CCDC106: variants seen among roughly 807,000 people sequenced by gnomAD.
CCDC106 encodes the protein coiled-coil domain containing 106.
In CCDC106, 17 loss-of-function variants were observed where a neutral mutation model predicts 24.7. That is an observed-to-expected ratio of 0.69 (90% CI 0.47 to 1.03). The LOEUF is 1.03. Ranked by LOEUF, CCDC106 falls within the 50% of genes least tolerant of loss-of-function variation. CCDC106 has a pLI of 0.00. For synonymous variants in CCDC106, 211 were observed against 161.3 expected (o/e 1.31, Z -2.34); for missense variants, 337 against 388.9 (o/e 0.87, Z 1.12).
rs1017501387 is a variant in CCDC106 at position 55,653,107 on chromosome 19, CAG to C, written c.*365_*366del. The C allele has an allele frequency of 1.4e-5, 3 of 212,144 alleles. No individual in the cohort carries two copies. The highest frequency in any genetic ancestry group is 4.6e-5 in the African/African-American group (2 of 43,118). The allele number at this position is 212,144 out of a possible 1,614,324, so 13.1% of individuals were successfully genotyped here. A position where few individuals can be genotyped will look rare whatever the true frequency, so the allele number is the denominator to read the frequency against. On this transcript the variant is annotated 3_prime_UTR_variant, in exon 5 of 5. Transcript: ENST00000586790. ...CAGACCTCCCCAACTCCGCGTGAGA[CAG>C]AGAATTATTCAGATAATTTAAATTA... is the stretch of plus-strand genomic sequence containing the variant.
At position 55,649,639 on chromosome 19, in the gene CCDC106, G is replaced by A. The variant is rs936296620; in HGVS notation, c.313+55G>A. ...CTCCCTGTCCCGCTACTGGGTACCC[G>A]CTCACCCAGACTCAAGGCTCCACTG... On this transcript the variant is annotated intron_variant, in intron 3 of 4. Coordinates refer to ENST00000586790, the MANE Select transcript of CCDC106 (RefSeq NM_001370470.1). 6.5e-5 allele frequency: 99 copies of A among 1,524,386 alleles called. 1 individual carries two copies. Among genetic ancestry groups the A allele is most frequent in the East Asian group, 3.2e-4 (14 of 43,636 alleles). 94.4% of individuals were successfully genotyped at this position (1,524,386 alleles called of 1,614,324 possible).
chr19:55,650,822 C>T (rs773483863), intron 3 of CCDC106, among the ~76,000 whole-genome samples: 8 of 152,188 alleles, frequency 5.3e-5, no homozygotes, highest in African/African-American at 1.2e-4. Flanking sequence ...CTCCGCCTGC[C>T]GGCTCCCTCT....
Position 55,652,686 on chromosome 19 carries a change from G to A in CCDC106, c.783G>A (p.Lys261=), listed in dbSNP as rs749842777. The change falls in exon 5 of 5, where the codon AAG becomes AAA. Residue 261 remains lysine, a synonymous_variant. Transcript: ENST00000586790. This position sits in a 1 kb window ranked among gnomAD's most constrained non-coding sequence, Gnocchi z 5.9. ...CCCTGGACGACGAGACGCTCAAGAA[G>A]GTGCAGGCGCTCAAGAAGAGCAAGC... ...FLALDDETLK[K]VQALKKSKLL... 12 of 1,612,906 alleles carry A rather than the reference G, an allele frequency of 7.4e-6. No individual in the cohort carries two copies. The highest frequency in any genetic ancestry group is 1.0e-5 in the Non-Finnish European group (12 of 1,179,908).
rs1983334753 is a variant in CCDC106, at chr19:55,652,123, G to T, written c.527-307G>T. Among the ~76,000 whole-genome samples the T allele has an allele frequency of 6.6e-6, 1 of 152,076 alleles. No individual in the cohort carries two copies. The highest frequency in any genetic ancestry group is 2.4e-5 in the African/African-American group (1 of 41,390). ...ATTCACCTGAGGCAGGGAGACGAGG[G>T]TGATGGCTCGGGGTGTCGGGGGGTG... On this transcript the variant is annotated intron_variant, in intron 4 of 4. Transcript: ENST00000586790. The surrounding 1 kb of genome is among the most constrained non-coding windows in gnomAD (Gnocchi z 5.9).
In CCDC106 at chr19:55,649,186, C is replaced by T. The variant is rs1983068178; in HGVS notation, c.32-19C>T. ...GCCCGGGGAATTCTCTGGGGTAACC[C>T]GGGGCCTCTCCTCTCCAGTGAAGGA... On this transcript the variant is annotated intron_variant, in intron 1 of 4. Transcript: ENST00000586790. 11 of 1,611,484 alleles carry T rather than the reference C, an allele frequency of 6.8e-6. No individual in the cohort carries two copies. The highest frequency in any genetic ancestry group is 3.3e-5 in the Admixed American group (2 of 59,990).
At chr19:55,651,229 C>A (rs1391819476) in intron 3 of CCDC106, 54 bp from the exon 4 acceptor site, 29 of 1,365,266 alleles carry the variant, frequency 2.1e-5, no homozygotes, top group African/African-American at 2.8e-5. Flanking sequence ...AGTCCCGGGA[C>A]CTGTGATGGG....
upstream of CCDC106, among the ~76,000 whole-genome samples, chr19:55,647,484 A>T (rs1982944593): frequency 6.6e-6 from 1 of 152,196 alleles, no homozygotes; most frequent in Non-Finnish European, 1.5e-5. Flanking sequence ...TTCAGCCCTG[A>T]CGATGGCCAG....
Position 55,648,948 on chromosome 19 carries a change from T to G in CCDC106, c.-99T>G. On this transcript the variant is annotated 5_prime_UTR_variant, in exon 1 of 5. An upstream start codon of the reference 5' UTR is lost. Coordinates refer to ENST00000586790, the MANE Select transcript of CCDC106 (RefSeq NM_001370470.1). ...CTGTCTCACTTCACCTCCCCCAGGA[T>G]GGACCCTCCAGTCCATCTGCGTCTC... The G allele has an allele frequency of 8.3e-7, 1 of 1,199,506 alleles. No individual in the cohort carries two copies. The highest frequency in any genetic ancestry group is 1.2e-6 in the Non-Finnish European group (1 of 807,454). The allele number at this position is 1,199,506 out of a possible 1,614,324, so 74.3% of individuals were successfully genotyped here. A position where few individuals can be genotyped will look rare whatever the true frequency, so the allele number is the denominator to read the frequency against.
Position 55,652,732 on chromosome 19 carries a change from C to A in CCDC106, c.829C>A (p.Arg277Ser). The A allele has an allele frequency of 6.2e-7, 1 of 1,611,584 alleles. No homozygotes were observed. The highest frequency in any genetic ancestry group is 1.1e-5 in the South Asian group (1 of 91,040). The change falls in exon 5 of 5, where the codon CGC becomes AGC. Residue 277 changes from arginine to serine, a missense_variant. Coordinates refer to ENST00000586790, the MANE Select transcript of CCDC106 (RefSeq NM_001370470.1). This position sits in a 1 kb window ranked among gnomAD's most constrained non-coding sequence, Gnocchi z 5.9. ...CAAGCTGCTGCTGCCCATCACCTAC[C>A]GCTTCAAGCGGTGATCGCACCACGC... is the stretch of plus-strand genomic sequence containing the variant. ...KSKLLLPITY[R>S]FKR is the part of the protein sequence containing the mutation.
At chr19:55,651,755 G>C (rs887381559) in intron 4 of CCDC106, among the ~76,000 whole-genome samples, 5 of 151,882 alleles carry the variant, frequency 3.3e-5, no homozygotes, top group African/African-American at 1.2e-4. Context: ...TCCGCCTCCC[G>C]GGTCCACGCC....
In CCDC106 at chr19:55,649,438, C is replaced by T. The variant is rs140299128; in HGVS notation, c.167C>T (p.Ala56Val). Residue 56 changes from alanine (A) to valine (V), a missense_variant, in exon 3 of 5, where the codon GCT (alanine) becomes GTT (valine). Physicochemically the swap from Ala to Val is moderately conservative, Grantham distance 64. Around this residue, in one of 2 missense-constraint regions of CCDC106, gnomAD observed 234 missense variants for 236.5 expected, o/e 0.99. Transcript: ENST00000586790. ...EPPEAASSAL[A>V]LMNSVKTQLH... is the part of the protein sequence containing the mutation. ...CCGGAGGCTGCGTCCTCCGCCCTGG[C>T]TCTGATGAACAGCGTCAAGACCCAG... The T allele has an allele frequency of 3.3e-4, 539 of 1,614,022 alleles. No homozygotes were observed. The highest frequency in any genetic ancestry group is 4.1e-4 in the Non-Finnish European group (484 of 1,180,014).
At position 55,652,745 on chromosome 19, in the gene CCDC106, G is replaced by A. The variant is rs1568543600; in HGVS notation, c.842G>A (p.Ter281=). ...LLPITYRFKR[*] ...CCCATCACCTACCGCTTCAAGCGGT[G>A]ATCGCACCACGCCTCCGCGCCTCCA... The change falls in exon 5 of 5, where the codon TGA becomes TAA. Residue 281 remains the stop codon, a stop_retained_variant. Coordinates refer to ENST00000586790, the MANE Select transcript of CCDC106 (RefSeq NM_001370470.1). The surrounding 1 kb of genome is among the most constrained non-coding windows in gnomAD (Gnocchi z 5.9). 2.5e-6 allele frequency: 4 copies of A among 1,607,516 alleles called. No homozygotes were observed. In the African/African-American group the frequency reaches 4.0e-5, roughly 16 times the overall value.
intron 3 of CCDC106, 102 bp downstream of exon 3, chr19:55,649,686 T>C (rs1600056414): frequency 3.5e-6 from 4 of 1,148,084 alleles, no homozygotes; most frequent in Non-Finnish European, 5.0e-6. Flanking sequence ...GGGTGGGACC[T>C]GCCATGTTGG....
chr19:55,649,199 CT>C lies in CCDC106; in HGVS notation c.32-5del. On this transcript the variant is annotated splice_polypyrimidine_tract_variant and splice_region_variant and intron_variant, in intron 1 of 4. Transcript: ENST00000586790. ...TCTGGGGTAACCCGGGGCCTCTCCT[CT>C]CCAGTGAAGGACGATGAGACCTTCG... The C allele has an allele frequency of 6.2e-7, 1 of 1,613,378 alleles. No individual in the cohort carries two copies. Among genetic ancestry groups the C allele is most frequent in the Admixed American group, 1.7e-5 (1 of 60,024 alleles).
rs1983007705 is a variant in CCDC106, at chr19:55,648,474, A to T, written c.-573A>T. The T allele has an allele frequency of 6.4e-6, 1 of 155,108 alleles. No homozygotes were observed. Among genetic ancestry groups the T allele is most frequent in the Non-Finnish European group, 1.4e-5 (1 of 70,108 alleles). 9.6% of individuals were successfully genotyped at this position (155,108 alleles called of 1,614,324 possible). On this transcript the variant is annotated 5_prime_UTR_variant, in exon 1 of 5. Transcript: ENST00000586790. ...CGCGTGACCTTTCCCCGTACTGCGC[A>T]CGCGCCCAGCCCCCACCACCGGGGG...
In CCDC106 at chr19:55,652,285, C is replaced by A; in HGVS notation, c.527-145C>A. 1.5e-6 allele frequency: 1 copy of A among 657,042 alleles called. No individual in the cohort carries two copies. The highest frequency in any genetic ancestry group is 2.6e-6 in the Non-Finnish European group (1 of 380,788). The allele number at this position is 657,042 out of a possible 1,614,324, so 40.7% of individuals were successfully genotyped here. ...TCCCCTCCTCTCTGCCCCTTCCTTGCCTGTTGTTCTCCGTCTCCACCTGCA... is the reference window on the plus strand; with the variant it reads ...TCCCCTCCTCTCTGCCCCTTCCTTGACTGTTGTTCTCCGTCTCCACCTGCA... On this transcript the variant is annotated intron_variant, in intron 4 of 4. Transcript: ENST00000586790. The surrounding 1 kb of genome is among the most constrained non-coding windows in gnomAD (Gnocchi z 5.9).
At position 55,651,434 on chromosome 19, in the gene CCDC106, G is replaced by A; in HGVS notation, c.465G>A (p.Lys155=). Residue 155 remains lysine (K), a synonymous_variant, in exon 4 of 5, where the codon AAG becomes AAA. Coordinates refer to ENST00000586790, the MANE Select transcript of CCDC106 (RefSeq NM_001370470.1). The part of the protein sequence containing the change: ...EGSASERRRQ[K]QKGGASRRRF... The stretch of plus-strand genomic sequence containing the variant: ...GCGCCAGTGAGAGGAGGCGGCAGAA[G>A]CAGAAGGGAGGTGCTAGTCGGAGGC... The A allele has an allele frequency of 2.5e-6, 4 of 1,605,902 alleles. No homozygotes were observed. Among genetic ancestry groups the A allele is most frequent in the Non-Finnish European group, 2.5e-6 (3 of 1,176,916 alleles).
Position 55,653,121 on chromosome 19 carries a change from G to T in CCDC106, c.*375G>T. 1 of 171,658 alleles carries T rather than the reference G, an allele frequency of 5.8e-6. No individual in the cohort carries two copies. The allele number at this position is 171,658 out of a possible 1,614,324, so 10.6% of individuals were successfully genotyped here. ...TCCGCGTGAGACAGAGAATTATTCA[G>T]ATAATTTAAATTAAAAAACGACGTG... On this transcript the variant is annotated 3_prime_UTR_variant, in exon 5 of 5. Transcript: ENST00000586790.
At chr19:55,650,784 C>T (rs554811792) in intron 3 of CCDC106, among the ~76,000 whole-genome samples, 7 of 152,302 alleles carry the variant, frequency 4.6e-5, no homozygotes, top group South Asian at 2.1e-4. Context: ...TCCCCTAACC[C>T]GCCTTCTAGA....
Sources: allele counts gnomAD v4.1 joint callset (sites outside exome capture counted in the v4.1 genomes callset), GRCh38; gene constraint gnomAD v4.1.1; regional missense constraint gnomAD v4.1.1; non-coding constraint Gnocchi (gnomAD v3.1); transcripts MANE v1.5; gene names NCBI Gene and HGNC (gene_info 2026-07-23, HGNC 2026-07-21).